CENPP: variants seen among roughly 807,000 people sequenced by gnomAD.
CENPP encodes the protein centromere protein P.
In CENPP, 24 loss-of-function variants were observed where a neutral mutation model predicts 35.6. The ratio of observed to expected loss-of-function variants is 0.67; its 90% CI spans 0.49 to 0.95. The LOEUF (loss-of-function observed/expected upper bound fraction) is 0.95, where lower values mean the gene tolerates loss of function less well. Among genes scored for constraint, CENPP ranks in the 40% least tolerant of loss-of-function variants. The pLI, the probability that CENPP is intolerant of heterozygous loss-of-function variation, is 0.00. For synonymous variants in CENPP, 120 were observed against 125.5 expected (o/e 0.96, Z 0.29); for missense variants, 332 against 345.3 (o/e 0.96, Z 0.31).
At chr9:92,515,245 G>T (rs1847629675) in intron 5 of CENPP, 1 of 1,431,268 alleles carries the variant, frequency 7.0e-7, no homozygotes. Context: ...ATAAGTTGAT[G>T]ATATTAATAA....
At chr9:92,370,444 G>A (rs189807579) in intron 4 of CENPP, among the ~76,000 whole-genome samples, 3 of 152,128 alleles carry the variant, frequency 2.0e-5, no homozygotes, top group Non-Finnish European at 4.4e-5. Flanking sequence ...TACTCCTTCT[G>A]GTCCTGGTCT....
At chr9:92,534,903 C>G (rs952659468) in intron 5 of CENPP, among the ~76,000 whole-genome samples, 1 of 152,116 alleles carries the variant, frequency 6.6e-6, no homozygotes, top group Non-Finnish European at 1.5e-5. Flanking sequence ...GAGTCAGGGC[C>G]TAGACCTCGA....
At chr9:92,587,480 G>T (rs1012302288) in intron 5 of CENPP, among the ~76,000 whole-genome samples, 1 of 151,812 alleles carries the variant, frequency 6.6e-6, no homozygotes, top group African/African-American at 2.4e-5. Flanking sequence ...CAAAAAAAAG[G>T]GGGGGGACCA....
In CENPP at chr9:92,600,232, G is replaced by A. The variant is rs919508818; in HGVS notation, c.565-11082G>A. The A allele has an allele frequency of 6.1e-6, 8 of 1,314,254 alleles. No homozygotes were observed. In the East Asian group the frequency reaches 8.1e-5, roughly 13 times the overall value. The allele number at this position is 1,314,254 out of a possible 1,614,324, so 81.4% of individuals were successfully genotyped here. A position where few individuals can be genotyped will look rare whatever the true frequency, so the allele number is the denominator to read the frequency against. ...AGGTTCCATACAAGAACAGAAGGGC[G>A]TGGGATCTGGCTTCTGGCCTGTCAT... On this transcript the variant is annotated intron_variant, in intron 5 of 7. Coordinates refer to ENST00000375587, the MANE Select transcript of CENPP (RefSeq NM_001012267.3).
At chr9:92,470,572 G>A (rs567281555) in intron 5 of CENPP, 1 of 615,292 alleles carries the variant, frequency 1.6e-6, no homozygotes, top group Admixed American at 4.1e-5. Context: ...TTACAGAAAA[G>A]TAAGACTTGT....
chr9:92,434,261 C>T lies in CENPP; in HGVS notation c.564+54402C>T, dbSNP rs186102006. On this transcript the variant is annotated intron_variant, in intron 5 of 7. Transcript: ENST00000375587. ...AAAATTAGCTGGGTGTGGTGGTGCA[C>T]ACCTGTAGTCCCAGCCACTCGGGAG... Among the ~76,000 whole-genome samples, 949 of 151,494 alleles carry T rather than the reference C, an allele frequency of 6.3e-3. 5 individuals carry two copies. The highest frequency in any genetic ancestry group is 0.01 in the Non-Finnish European group (699 of 67,838).
chr9:92,362,094 G>A (rs1841768999), intron 4 of CENPP, among the ~76,000 whole-genome samples: 2 of 152,072 alleles, frequency 1.3e-5, no homozygotes, highest in Admixed American at 1.3e-4. Flanking sequence ...TGTCTCTTTA[G>A]TTTCCTTTAA....
chr9:92,382,529 T>A (rs1842277873), intron 5 of CENPP, among the ~76,000 whole-genome samples: 1 of 152,208 alleles, frequency 6.6e-6, no homozygotes, highest in African/African-American at 2.4e-5. Context: ...GAGACCAGTT[T>A]ATCTATTTTT....
At chr9:92,575,563 C>T (rs1428681524) in intron 5 of CENPP, among the ~76,000 whole-genome samples, 1 of 152,146 alleles carries the variant, frequency 6.6e-6, no homozygotes, top group Non-Finnish European at 1.5e-5. Flanking sequence ...CCTGTAATCT[C>T]AGCACTTTGG....
intron 5 of CENPP, among the ~76,000 whole-genome samples, chr9:92,440,361 AT>A (rs1011781696): frequency 1.1e-4 from 16 of 150,896 alleles, no homozygotes; most frequent in African/African-American, 3.9e-4. Context: ...AAATAAATAA[AT>A]AAATAAATAA....
intron 5 of CENPP, chr9:92,465,102 C>A: frequency 9.9e-7 from 1 of 1,010,990 alleles, no homozygotes; most frequent in Non-Finnish European, 1.5e-6. Flanking sequence ...CAGAGAGACA[C>A]ATCCCAAGAA....
At chr9:92,487,230 T>A (rs1846080839) in intron 5 of CENPP, among the ~76,000 whole-genome samples, 1 of 152,220 alleles carries the variant, frequency 6.6e-6, no homozygotes, top group Non-Finnish European at 1.5e-5. Flanking sequence ...TCTGTGTTTC[T>A]AAATACTGTT....
intron 1 of CENPP, among the ~76,000 whole-genome samples, chr9:92,329,461 C>T (rs1050639512): frequency 7.2e-5 from 11 of 152,182 alleles, no homozygotes; most frequent in African/African-American, 2.4e-4. Context: ...TCTGGGATTA[C>T]GTGAGCCACC....
intron 4 of CENPP, among the ~76,000 whole-genome samples, chr9:92,362,133 C>T (rs2130835412): frequency 6.6e-6 from 1 of 152,242 alleles, no homozygotes; most frequent in Admixed American, 6.5e-5. Flanking sequence ...CCTTTCTTTG[C>T]CATGTTTCAC....
At chr9:92,336,426 A>G (rs944971795) in intron 2 of CENPP, among the ~76,000 whole-genome samples, 3 of 152,104 alleles carry the variant, frequency 2.0e-5, no homozygotes, top group African/African-American at 7.2e-5. Flanking sequence ...ATGTAAATGA[A>G]CTTACTTCTG....
chr9:92,430,995 C>T (rs1844093640), intron 5 of CENPP, among the ~76,000 whole-genome samples: 1 of 151,982 alleles, frequency 6.6e-6, no homozygotes, highest in Non-Finnish European at 1.5e-5. Context: ...AGGGTTTCAC[C>T]ATGTCGGCCA....
At chr9:92,353,587 G>A (rs1477525962) in intron 4 of CENPP, among the ~76,000 whole-genome samples, 3 of 152,172 alleles carry the variant, frequency 2.0e-5, no homozygotes, top group South Asian at 2.1e-4. Context: ...AGCCAACACT[G>A]TAACTCCCTT....
Position 92,619,579 on chromosome 9 carries a change from A to G in CENPP, c.*6430A>G. 1 of 1,567,714 alleles carries G rather than the reference A, an allele frequency of 6.4e-7. No individual in the cohort carries two copies. The highest frequency in any genetic ancestry group is 1.7e-4 in the Middle Eastern group (1 of 6,002). On this transcript the variant is annotated 3_prime_UTR_variant, in exon 8 of 8. Coordinates refer to ENST00000375587, the MANE Select transcript of CENPP (RefSeq NM_001012267.3). ...GTACTGCTGCACCTGCAGGGGCGGG[A>G]AAGATCAGCTCCAGGTCACACAGGA... is the stretch of plus-strand genomic sequence containing the variant.
chr9:92,474,550 G>A, intron 5 of CENPP: 1 of 1,521,720 alleles, frequency 6.6e-7, no homozygotes, highest in Non-Finnish European at 8.7e-7. Context: ...AAATTTCAAT[G>A]AGACTTTTTC....
Sources: allele counts gnomAD v4.1 joint callset (sites outside exome capture counted in the v4.1 genomes callset), GRCh38; gene constraint gnomAD v4.1.1; transcripts MANE v1.5; gene names NCBI Gene and HGNC (gene_info 2026-07-23, HGNC 2026-07-21).